Variants in HYPK observed in about 807,000 individuals in gnomAD.
HYPK encodes huntingtin-interacting protein K.
Under a neutral mutation model 13.9 loss-of-function variants are expected in HYPK, and 9 were observed. The observed-to-expected ratio is 0.65, with a 90% CI of 0.39 to 1.13. The LOEUF (loss-of-function observed/expected upper bound fraction) is 1.13, where lower values mean the gene tolerates loss of function less well. Among genes scored for constraint, HYPK ranks in the 50% most tolerant of loss-of-function variants. The pLI, the probability that HYPK is intolerant of heterozygous loss-of-function variation, is 0.01. For missense variants in HYPK, 138 were observed against 157.6 expected (o/e 0.88, Z 0.67); for synonymous variants, 76 against 57.0 (o/e 1.33, Z -1.50).
intron 1 of HYPK, 55 bp downstream of exon 1, chr15:43,800,839 G>C: frequency 1.4e-6 from 2 of 1,478,278 alleles, no homozygotes; most frequent in Non-Finnish European, 1.8e-6. Flanking sequence ...GGGGCTCTGA[G>C]GCTGTAGCTG....
In HYPK at chr15:43,800,613, T is replaced by C. The variant is rs770669688; in HGVS notation, c.-10T>C. On this transcript the variant is annotated 5_prime_UTR_variant, in exon 1 of 4. Transcript: ENST00000442995. ...AGGTGGGGCTTATGCGGCGGCGTGG[T>C]GAAATAGATATGGCGACCGAGGGGG... is the stretch of plus-strand genomic sequence containing the variant. 6.2e-6 allele frequency: 10 copies of C among 1,613,884 alleles called. No homozygotes were observed. The highest frequency in any genetic ancestry group is 3.3e-5 in the Admixed American group (2 of 59,980).
intron 2 of HYPK, 21 bp downstream of exon 2, chr15:43,801,208 A>G: frequency 6.2e-7 from 1 of 1,605,786 alleles, no homozygotes; most frequent in Non-Finnish European, 8.5e-7. Flanking sequence ...AGGGGCAGCC[A>G]ACTTTAACAG....
intron 2 of HYPK, 90 bp from the exon 3 acceptor site, chr15:43,801,428 T>C: frequency 8.9e-7 from 1 of 1,128,756 alleles, no homozygotes; most frequent in Non-Finnish European, 1.3e-6. Context: ...TATCAAGATT[T>C]ATTTACAGGG....
In HYPK at chr15:43,804,238, C is replaced by T. The variant is rs1464143676; in HGVS notation, c.*2432C>T. On this transcript the variant is annotated 3_prime_UTR_variant, in exon 4 of 4. Transcript: ENST00000442995. ...GATAATTCTTAGATTGTATCCCACA[C>T]AACAGTGACTTGTACCTGTGTTCAT... Among the ~76,000 whole-genome samples, 1 of 152,190 alleles carries T rather than the reference C, an allele frequency of 6.6e-6. No individual in the cohort carries two copies. The highest frequency in any genetic ancestry group is 1.5e-5 in the Non-Finnish European group (1 of 68,040).
chr15:43,804,256 G>A lies in HYPK; in HGVS notation c.*2450G>A, dbSNP rs76238760. Among the ~76,000 whole-genome samples the A allele has an allele frequency of 5.7e-3, 861 of 152,256 alleles. 10 individuals are homozygous for A. Among genetic ancestry groups the A allele is most frequent in the African/African-American group, 0.02 (828 of 41,552 alleles). ...TCCCACACAACAGTGACTTGTACCT[G>A]TGTTCATCTTTATGTATTTACCACC... is the stretch of plus-strand genomic sequence containing the variant. On this transcript the variant is annotated 3_prime_UTR_variant, in exon 4 of 4. Transcript: ENST00000442995.
At chr15:43,800,918 A>G in intron 1 of HYPK, 134 bp downstream of exon 1, 1 of 994,260 alleles carries the variant, frequency 1.0e-6, no homozygotes, top group African/African-American at 1.6e-5. Flanking sequence ...GAGCCGAGGG[A>G]AACAGCGGTC....
chr15:43,800,565 G>A, upstream of HYPK: 2 of 1,610,514 alleles, frequency 1.2e-6, no homozygotes, highest in South Asian at 1.1e-5. Flanking sequence ...CGGAAGCTGT[G>A]TCAGTTGCCG....
Position 43,801,847 on chromosome 15 carries a change from C to T in HYPK, c.*41C>T, listed in dbSNP as rs576661632. ...ATATACCTACTGGATTAATTTATGG[C>T]AATAAAATTTTTTTTTGTCTTTTTC... is the stretch of plus-strand genomic sequence containing the variant. On this transcript the variant is annotated 3_prime_UTR_variant, in exon 4 of 4. Transcript: ENST00000442995. 6 of 1,573,164 alleles carry T rather than the reference C, an allele frequency of 3.8e-6. No individual in the cohort carries two copies. Among genetic ancestry groups the T allele is most frequent in the Non-Finnish European group, 4.4e-6 (5 of 1,145,510 alleles).
rs781118026 is a variant in HYPK, at chr15:43,800,606, G to A, written c.-17G>A. 8.7e-6 allele frequency: 14 copies of A among 1,613,912 alleles called. No individual in the cohort carries two copies. Among genetic ancestry groups the A allele is most frequent in the African/African-American group, 1.3e-5 (1 of 74,924 alleles). On this transcript the variant is annotated 5_prime_UTR_variant, in exon 1 of 4. Transcript: ENST00000442995. ...CGGCGTGAGGTGGGGCTTATGCGGC[G>A]GCGTGGTGAAATAGATATGGCGACC...
rs990690869 is a variant in HYPK at position 43,804,052 on chromosome 15, G to A, written c.*2246G>A. 5.9e-5 allele frequency among the ~76,000 whole-genome samples: 9 copies of A among 151,922 alleles called. No homozygotes were observed. Reference sequence around the variant, plus strand: ...TGTAGTCCCAGCTACTCGGGAGGCTGAGGCACTCTAGCCTGGGCAACAGAG... The same window carrying A: ...TGTAGTCCCAGCTACTCGGGAGGCTAAGGCACTCTAGCCTGGGCAACAGAG... On this transcript the variant is annotated 3_prime_UTR_variant, in exon 4 of 4. Coordinates refer to ENST00000442995, the MANE Select transcript of HYPK (RefSeq NM_016400.4).
chr15:43,800,523 T>C (rs777918182), upstream of HYPK: 7 of 1,479,240 alleles, frequency 4.7e-6, no homozygotes, highest in South Asian at 7.1e-5. Context: ...AAAGAAGGTG[T>C]GGCCCAGGGC....
Position 43,802,058 on chromosome 15 carries a change from C to T in HYPK, c.*252C>T. On this transcript the variant is annotated 3_prime_UTR_variant, in exon 4 of 4. Transcript: ENST00000442995. ...AGGCCAGTCTCATTCATCTGACTAG[C>T]TCTCAACAGTATTCAAGGTACATCT... 1 of 504,454 alleles carries T rather than the reference C, an allele frequency of 2.0e-6. No homozygotes were observed. Among genetic ancestry groups the T allele is most frequent in the Non-Finnish European group, 3.6e-6 (1 of 279,748 alleles). The allele number at this position is 504,454 out of a possible 1,614,324, so 31.2% of individuals were successfully genotyped here.
rs376271370 is a variant in HYPK at position 43,801,201 on chromosome 15, G to T, written c.218+14G>T. 1.2e-6 allele frequency: 2 copies of T among 1,611,446 alleles called. No homozygotes were observed. The highest frequency in any genetic ancestry group is 1.7e-6 in the Non-Finnish European group (2 of 1,177,808). ...CAAACAGGAGCGGTAAGTCTTCAGGGGCAGCCAACTTTAACAGTTCTTCCC... is the reference window on the plus strand; with the variant it reads ...CAAACAGGAGCGGTAAGTCTTCAGGTGCAGCCAACTTTAACAGTTCTTCCC... On this transcript the variant is annotated intron_variant, in intron 2 of 3. Coordinates refer to ENST00000442995, the MANE Select transcript of HYPK (RefSeq NM_016400.4).
intron 2 of HYPK, 84 bp from the exon 3 acceptor site, chr15:43,801,434 C>A (rs2087314044): frequency 2.6e-6 from 3 of 1,148,890 alleles, no homozygotes; most frequent in Non-Finnish European, 3.9e-6. Context: ...GATTTATTTA[C>A]AGGGCACTTC....
chr15:43,802,082 C>T lies in HYPK; in HGVS notation c.*276C>T. On this transcript the variant is annotated 3_prime_UTR_variant, in exon 4 of 4. Transcript: ENST00000442995. ...GCTCTCAACAGTATTCAAGGTACAT[C>T]TGGAGTCTCAGCAGAGTTACTGTAC... 2.3e-6 allele frequency: 1 copy of T among 434,490 alleles called. No homozygotes were observed. The highest frequency in any genetic ancestry group is 4.2e-6 in the Non-Finnish European group (1 of 238,104). 26.9% of individuals were successfully genotyped at this position (434,490 alleles called of 1,614,324 possible).
chr15:43,800,497 TC>T, upstream of HYPK: 1 of 1,297,880 alleles, frequency 7.7e-7, no homozygotes, highest in Non-Finnish European at 1.1e-6. Context: ...CCCTGAAGCT[TC>T]TAGAACTGGA....
In HYPK at chr15:43,801,915, A is replaced by G. The variant is rs779610594; in HGVS notation, c.*109A>G. On this transcript the variant is annotated 3_prime_UTR_variant, in exon 4 of 4. Transcript: ENST00000442995. ...TCAAGTAGAGTGTATACTATATCCT[A>G]TGTTGTGGAGAATTTATATGTTGGA... is the stretch of plus-strand genomic sequence containing the variant. 1.2e-6 allele frequency: 1 copy of G among 815,424 alleles called. No individual in the cohort carries two copies. Among genetic ancestry groups the G allele is most frequent in the Non-Finnish European group, 2.0e-6 (1 of 500,110 alleles). The allele number at this position is 815,424 out of a possible 1,614,324, so 50.5% of individuals were successfully genotyped here.
intron 2 of HYPK, 163 bp downstream of exon 2, chr15:43,801,350 C>T: frequency 1.2e-6 from 1 of 829,648 alleles, no homozygotes; most frequent in South Asian, 1.7e-5. Flanking sequence ...GGCCTCCTGG[C>T]AACACCTGCT....
intron 3 of HYPK, 34 bp from the exon 4 acceptor site, chr15:43,801,677 C>G (rs201721633): frequency 6.2e-7 from 1 of 1,612,092 alleles, no homozygotes; most frequent in South Asian, 1.1e-5. Context: ...ACATTAATGC[C>G]TGGGAACCTA....
Sources: gnomAD v4.1 joint callset for allele counts (sites outside exome capture counted in the v4.1 genomes callset) on GRCh38, gnomAD v4.1.1 for gene constraint, MANE v1.5 for transcripts, NCBI Gene and HGNC (gene_info 2026-07-23, HGNC 2026-07-21) for gene names.